The following OPN5 variants were observed in gnomAD, a reference collection of about 807,000 sequenced individuals.
The protein encoded by OPN5 is opsin-5.
A neutral mutation model predicts 41.7 loss-of-function variants in OPN5; 18 were observed. The ratio of observed to expected loss-of-function variants is 0.43; its 90% CI spans 0.30 to 0.64. The LOEUF (loss-of-function observed/expected upper bound fraction) is 0.64, where lower values mean the gene tolerates loss of function less well. Among genes scored for constraint, OPN5 ranks in the 30% least tolerant of loss-of-function variants. OPN5 has a pLI of 0.13. For synonymous variants in OPN5, 178 were observed against 164.3 expected (o/e 1.08, Z -0.64); for missense variants, 318 against 434.5 (o/e 0.73, Z 2.38).
chr6:47,818,402 G>C (rs916451824), intron 6 of OPN5, among the ~76,000 whole-genome samples: 4 of 152,188 alleles, frequency 2.6e-5, no homozygotes, highest in Non-Finnish European at 4.4e-5. Flanking sequence ...CACTGAAGCA[G>C]CAAGTTACTC....
chr6:47,801,696 C>T (rs1217511998), intron 4 of OPN5, among the ~76,000 whole-genome samples: 1 of 152,154 alleles, frequency 6.6e-6, no homozygotes, highest in Non-Finnish European at 1.5e-5. Flanking sequence ...CTTCTTGGAA[C>T]ATATCACAAT....
chr6:47,821,386 C>T (rs73473768), intron 6 of OPN5, among the ~76,000 whole-genome samples: 19,228 of 152,080 alleles, frequency 0.13, 1,343 homozygotes, highest in Middle Eastern at 0.16. Context: ...AGGCAATCCC[C>T]GATGGAAGTT....
intron 4 of OPN5, among the ~76,000 whole-genome samples, chr6:47,797,174 C>G (rs1773600776): frequency 6.6e-6 from 1 of 152,152 alleles, no homozygotes; most frequent in African/African-American, 2.4e-5. Flanking sequence ...CAAACCATAT[C>G]ACATACTGTG....
downstream of OPN5, chr6:47,825,410 G>C (rs1762762093): frequency 6.6e-6 from 1 of 152,162 alleles, no homozygotes; most frequent in African/African-American, 2.4e-5. Flanking sequence ...TTGTTATCAG[G>C]AGAGAGAATT....
chr6:47,816,944 G>C lies in OPN5; in HGVS notation c.1056+5213G>C, dbSNP rs556656596. 2.0e-5 allele frequency among the ~76,000 whole-genome samples: 3 copies of C among 152,252 alleles called. No individual in the cohort carries two copies. The South Asian group carries it at 6.2e-4, about 32-fold the overall frequency. Reference sequence around the variant, plus strand: ...TGTGAATCTTGTTCTTGAGGAGGTAGGAGGACATTTCTCAATATGTCTGGT... The same window carrying C: ...TGTGAATCTTGTTCTTGAGGAGGTACGAGGACATTTCTCAATATGTCTGGT... On this transcript the variant is annotated intron_variant, in intron 6 of 6. Transcript: ENST00000371211.
intron 6 of OPN5, among the ~76,000 whole-genome samples, chr6:47,814,552 A>G (rs1762373263): frequency 6.6e-6 from 1 of 152,110 alleles, no homozygotes; most frequent in Non-Finnish European, 1.5e-5. Flanking sequence ...TTGGGTAATA[A>G]TCTGAGAGCT....
exon 4 of OPN5, chr6:47,795,259 T>G (rs1351900764): frequency 1.2e-6 from 2 of 1,607,532 alleles, no homozygotes; most frequent in Non-Finnish European, 1.7e-6. Flanking sequence ...CACGCCTACA[T>G]CTGCCTGGCA....
In OPN5 at chr6:47,822,580, A is replaced by G. The variant is rs148461519; in HGVS notation, c.1057-1403A>G. Among the ~76,000 whole-genome samples, 377 of 152,306 alleles carry G rather than the reference A, an allele frequency of 2.5e-3. 1 individual carries two copies. Among genetic ancestry groups the G allele is most frequent in the Non-Finnish European group, 3.9e-3 (267 of 68,010 alleles). ...TAGTTCCATAGAAACTCAAAGGCAC[A>G]TCCAGAGTAGTTGGTTGGAATTTGT... On this transcript the variant is annotated intron_variant, in intron 6 of 6. Transcript: ENST00000371211.
exon 4 of OPN5, chr6:47,795,294 T>C: frequency 2.5e-6 from 4 of 1,613,904 alleles, no homozygotes; most frequent in Non-Finnish European, 3.4e-6. Context: ...TGCTTCCTTC[T>C]GGACCACCAT....
intron 4 of OPN5, among the ~76,000 whole-genome samples, chr6:47,796,823 G>A (rs1773587104): frequency 6.6e-6 from 1 of 152,168 alleles, no homozygotes; most frequent in South Asian, 2.1e-4. Context: ...GTATTAGTCT[G>A]CTATCACACT....
intron 5 of OPN5, among the ~76,000 whole-genome samples, chr6:47,809,815 A>G (rs1241192752): frequency 6.6e-6 from 1 of 152,234 alleles, no homozygotes; most frequent in Non-Finnish European, 1.5e-5. Context: ...CTGGCTATTG[A>G]TATTTTGTTA....
chr6:47,795,651 G>T (rs1053216414), intron 4 of OPN5, 88 bp downstream of exon 4: 4 of 877,556 alleles, frequency 4.6e-6, no homozygotes, highest in Non-Finnish European at 5.4e-6. Flanking sequence ...GAGACTGAGA[G>T]AACTTAGAAT....
intron 5 of OPN5, among the ~76,000 whole-genome samples, chr6:47,809,564 A>G (rs1225600086): frequency 6.6e-6 from 1 of 152,240 alleles, no homozygotes; most frequent in Non-Finnish European, 1.5e-5. Context: ...ATACGTTTAC[A>G]ATAGCTCTAT....
At chr6:47,820,411 A>G (rs1373329568) in intron 6 of OPN5, among the ~76,000 whole-genome samples, 1 of 152,190 alleles carries the variant, frequency 6.6e-6, no homozygotes, top group Non-Finnish European at 1.5e-5. Flanking sequence ...GTACTTTGCT[A>G]TATGGTTGAC....
chr6:47,792,699 T>C (rs1403192549), intron 3 of OPN5, among the ~76,000 whole-genome samples: 2 of 152,202 alleles, frequency 1.3e-5, no homozygotes, highest in African/African-American at 4.8e-5. Flanking sequence ...AAGTTTAATA[T>C]TGAGAACCAG....
intron 6 of OPN5, among the ~76,000 whole-genome samples, chr6:47,819,379 AAT>A (rs544310153): frequency 0.04 from 3,842 of 97,198 alleles, 308 homozygotes; most frequent in African/African-American, 0.13. Context: ...TATAAGTAGA[AAT>A]ATATATATAT....
chr6:47,788,809 G>GGT (rs1554139125), intron 2 of OPN5, among the ~76,000 whole-genome samples: 20 of 148,262 alleles, frequency 1.3e-4, no homozygotes, highest in Admixed American at 1.0e-3. Context: ...ATAACCTGGG[G>GGT]GGGGGCGGTG....
chr6:47,817,941 A>G (rs1339147433), intron 6 of OPN5, among the ~76,000 whole-genome samples: 1 of 152,130 alleles, frequency 6.6e-6, no homozygotes, highest in Non-Finnish European at 1.5e-5. Flanking sequence ...ACTAGGGACA[A>G]AGGCCCATTC....
In OPN5 at chr6:47,782,981, TACA is replaced by T. The variant is rs1390591200; in HGVS notation, c.130+789_130+791del. On this transcript the variant is annotated intron_variant, in intron 1 of 6. Coordinates refer to ENST00000371211, the Ensembl canonical transcript of OPN5. ...TTAAAAATTAAATACATGTTGAACA[TACA>T]ACATTTTAGGTATGTTAAGCTAAAT... Among the ~76,000 whole-genome samples, 10 of 152,180 alleles carry T rather than the reference TACA, an allele frequency of 6.6e-5. No individual in the cohort carries two copies. The East Asian group carries it at 1.5e-3, about 23-fold the overall frequency.
Sources: allele counts gnomAD v4.1 joint callset (sites outside exome capture counted in the v4.1 genomes callset), GRCh38; gene constraint gnomAD v4.1.1; transcripts MANE v1.5; gene names NCBI Gene and HGNC (gene_info 2026-07-23, HGNC 2026-07-21).